Variants in PRKN observed in about 807,000 individuals in gnomAD.
The protein encoded by PRKN is E3 ubiquitin-protein ligase parkin.
A neutral mutation model predicts 59.5 loss-of-function variants in PRKN; 56 were observed. That is an observed-to-expected ratio of 0.94 (90% CI 0.76 to 1.18). PRKN has a LOEUF of 1.18. Ranked by LOEUF, PRKN falls within the 50% of genes most tolerant of loss-of-function variation. The pLI, the probability that PRKN is intolerant of heterozygous loss-of-function variation, is 0.00. For missense variants in PRKN, 657 were observed against 596.4 expected (o/e 1.10, Z -1.06); for synonymous variants, 250 against 222.1 (o/e 1.13, Z -1.12).
intron 9 of PRKN, among the ~76,000 whole-genome samples, chr6:161,532,381 T>G (rs7776242): frequency 6.6e-6 from 1 of 151,244 alleles, no homozygotes; most frequent in Admixed American, 6.6e-5. Context: ...GAAGCAGGAG[T>G]GTGTATATGG....
rs1390169088 is a variant in PRKN, at chr6:161,420,757, C to G, written c.1084-33880G>C. Among the ~76,000 whole-genome samples the G allele has an allele frequency of 2.0e-5, 3 of 152,158 alleles. No individual in the cohort carries two copies. In the South Asian group the frequency reaches 6.2e-4, roughly 32 times the overall value. On this transcript the variant is annotated intron_variant, in intron 9 of 11. Coordinates refer to ENST00000366898, the MANE Select transcript of PRKN (RefSeq NM_004562.3). ...ACTTCTGGGCTCCAGTGATTTCCCC[C>G]CCACATCAGCCTCAGTTTTCTTTAC...
At chr6:161,759,452 C>A (rs1042294762) in intron 7 of PRKN, among the ~76,000 whole-genome samples, 2 of 152,014 alleles carry the variant, frequency 1.3e-5, no homozygotes, top group Admixed American at 1.3e-4. Flanking sequence ...ACTAATGGAA[C>A]AATTATGTCC....
intron 7 of PRKN, among the ~76,000 whole-genome samples, chr6:161,770,105 T>C (rs1002532793): frequency 6.6e-6 from 1 of 152,084 alleles, no homozygotes; most frequent in African/African-American, 2.4e-5. Context: ...CTAGTGAGTC[T>C]AGATTTTCAA....
In PRKN at chr6:162,284,218, T is replaced by TC. The variant is rs1439885443; in HGVS notation, c.172-21454_172-21453insG. Among the ~76,000 whole-genome samples the TC allele has an allele frequency of 3.2e-4, 32 of 98,868 alleles. 1 individual carries two copies. The highest frequency in any genetic ancestry group is 9.8e-4 in the African/African-American group (24 of 24,606). The allele number at this position is 98,868 out of a possible 152,430, so 64.9% of individuals were successfully genotyped here. A position where few individuals can be genotyped will look rare whatever the true frequency, so the allele number is the denominator to read the frequency against. The stretch of plus-strand genomic sequence containing the variant: ...TTATGTATTGTGTTATTTCTTTCTT[T>TC]TTTTTTTTTTTTTTTTTTTTTTTGA... On this transcript the variant is annotated intron_variant, in intron 2 of 11. Coordinates refer to ENST00000366898, the MANE Select transcript of PRKN (RefSeq NM_004562.3).
chr6:162,228,527 G>A (rs1294031006), intron 3 of PRKN, among the ~76,000 whole-genome samples: 2 of 152,080 alleles, frequency 1.3e-5, no homozygotes, highest in Non-Finnish European at 2.9e-5. Flanking sequence ...TCATTAAAAT[G>A]AAAAACAAGA....
Position 161,395,471 on chromosome 6 carries a change from A to C in PRKN, c.1084-8594T>G, listed in dbSNP as rs773690246. 6.6e-6 allele frequency among the ~76,000 whole-genome samples: 1 copy of C among 152,172 alleles called. No homozygotes were observed. The highest frequency in any genetic ancestry group is 1.5e-5 in the Non-Finnish European group (1 of 68,042). ...CAGGTCATTTCACACATGTGAAAGG[A>C]AATCTGTAGCAGAAATTTCTAGACA... On this transcript the variant is annotated intron_variant, in intron 9 of 11. Transcript: ENST00000366898. The surrounding 1 kb of genome is among the most constrained non-coding windows in gnomAD (Gnocchi z 5.0).
At chr6:162,686,654 G>T (rs1334802923) in intron 1 of PRKN, among the ~76,000 whole-genome samples, 1 of 152,198 alleles carries the variant, frequency 6.6e-6, no homozygotes, top group African/African-American at 2.4e-5. Context: ...GCTCGTGCCT[G>T]TAATCCTACC....
chr6:162,337,679 C>A (rs73028952), intron 2 of PRKN, among the ~76,000 whole-genome samples: 1 of 152,074 alleles, frequency 6.6e-6, no homozygotes, highest in Non-Finnish European at 1.5e-5. Flanking sequence ...ATCATCATTC[C>A]TCCTTGGCCC....
In PRKN at chr6:162,021,455, A is replaced by G. The variant is rs1783186735; in HGVS notation, c.618+32636T>C. Among the ~76,000 whole-genome samples, 5 of 49,298 alleles carry G rather than the reference A, an allele frequency of 1.0e-4. No individual in the cohort carries two copies. In the South Asian group the frequency reaches 3.4e-3, roughly 33 times the overall value. 32.3% of individuals were successfully genotyped at this position (49,298 alleles called of 152,430 possible). A position where few individuals can be genotyped will look rare whatever the true frequency, so the allele number is the denominator to read the frequency against. ...TTACAGGGAATATATATATATATATATATATATTTTTTTTTTTTTTTTCCT... is the reference window on the plus strand; with the variant it reads ...TTACAGGGAATATATATATATATATGTATATATTTTTTTTTTTTTTTTCCT... On this transcript the variant is annotated intron_variant, in intron 5 of 11. Coordinates refer to ENST00000366898, the MANE Select transcript of PRKN (RefSeq NM_004562.3).
intron 5 of PRKN, among the ~76,000 whole-genome samples, chr6:162,021,745 G>A (rs1382209816): frequency 6.6e-6 from 1 of 151,834 alleles, no homozygotes; most frequent in Non-Finnish European, 1.5e-5. Context: ...TTTGTACATG[G>A]GTATATCGTG....
rs1001164133 is a variant in PRKN at position 161,502,472 on chromosome 6, C to T, written c.1083+46382G>A. 2.6e-5 allele frequency among the ~76,000 whole-genome samples: 4 copies of T among 152,148 alleles called. No individual in the cohort carries two copies. The highest frequency in any genetic ancestry group is 7.2e-5 in the African/African-American group (3 of 41,438). ...GTTTCCCAGCACCCCAAGCTACTTGCCTTCCCACCCCTTCTCTTCTGAAGC... is the reference window on the plus strand; with the variant it reads ...GTTTCCCAGCACCCCAAGCTACTTGTCTTCCCACCCCTTCTCTTCTGAAGC... On this transcript the variant is annotated intron_variant, in intron 9 of 11. Coordinates refer to ENST00000366898, the MANE Select transcript of PRKN (RefSeq NM_004562.3). This position sits in a 1 kb window ranked among gnomAD's most constrained non-coding sequence, Gnocchi z 4.0.
At chr6:161,843,187 ACT>A (rs1398773854) in intron 6 of PRKN, among the ~76,000 whole-genome samples, 1 of 151,894 alleles carries the variant, frequency 6.6e-6, no homozygotes, top group Non-Finnish European at 1.5e-5. Flanking sequence ...CCCAAACCAA[ACT>A]CTATATTATT....
chr6:162,658,658 C>CAAAAAAAAAAAAAAGAAAAAAAAAAAA (rs1778752449), intron 1 of PRKN, among the ~76,000 whole-genome samples: 1 of 109,112 alleles, frequency 9.2e-6, no homozygotes, highest in African/African-American at 3.4e-5. Flanking sequence ...GAGACTCTGT[C>CAAAAAAAAAAAAAAGAAAAAAAAAAAA]AAAAAAAAAA....
chr6:162,537,940 T>C (rs943673524), intron 1 of PRKN, among the ~76,000 whole-genome samples: 3 of 152,208 alleles, frequency 2.0e-5, no homozygotes, highest in African/African-American at 7.2e-5. Context: ...CATTTGTGGA[T>C]TCTCTTCTTA....
chr6:161,994,261 G>A (rs1182750461), intron 5 of PRKN, among the ~76,000 whole-genome samples: 1 of 151,430 alleles, frequency 6.6e-6, no homozygotes, highest in Non-Finnish European at 1.5e-5. Flanking sequence ...AAAAGAAAGT[G>A]AAGGACAAAA....
intron 5 of PRKN, among the ~76,000 whole-genome samples, chr6:162,044,471 G>A (rs1430628102): frequency 6.6e-6 from 1 of 152,148 alleles, no homozygotes; most frequent in Non-Finnish European, 1.5e-5. Flanking sequence ...TCAGCTCAAC[G>A]TCTAATTTCC....
At chr6:161,845,097 C>A (rs886893117) in intron 6 of PRKN, among the ~76,000 whole-genome samples, 1 of 152,162 alleles carries the variant, frequency 6.6e-6, no homozygotes, top group Admixed American at 6.5e-5. Context: ...AGAACTTGAA[C>A]CTACTTCTCT....
intron 4 of PRKN, among the ~76,000 whole-genome samples, chr6:162,123,233 A>C (rs1341844048): frequency 6.6e-6 from 1 of 152,114 alleles, no homozygotes; most frequent in South Asian, 2.1e-4. Flanking sequence ...AGTACAAGTT[A>C]ATGAAAACTA....
At chr6:161,925,187 A>T (rs1049761485) in intron 6 of PRKN, among the ~76,000 whole-genome samples, 5 of 152,248 alleles carry the variant, frequency 3.3e-5, no homozygotes, top group Non-Finnish European at 5.9e-5. Flanking sequence ...CAAAATCCAA[A>T]TATAAAACAA....
Sources: allele counts gnomAD v4.1 joint callset (sites outside exome capture counted in the v4.1 genomes callset), GRCh38; gene constraint gnomAD v4.1.1; non-coding constraint Gnocchi (gnomAD v3.1); transcripts MANE v1.5; gene names NCBI Gene and HGNC (gene_info 2026-07-23, HGNC 2026-07-21).